Variants in GAGE10 observed in about 807,000 individuals in gnomAD.
GAGE10 encodes the protein G antigen 10.
A neutral mutation model predicts 11.5 loss-of-function variants in GAGE10; 9 were observed. The observed-to-expected ratio is 0.78, with a 90% CI of 0.47 to 1.37. GAGE10 has a LOEUF of 1.37. Among genes scored for constraint, GAGE10 ranks in the 40% most tolerant of loss-of-function variants. The pLI is 0.00. For synonymous variants in GAGE10, 23 were observed against 29.7 expected, an observed-to-expected ratio of 0.77 and a Z score of 0.73; for missense variants, 83 against 92.9, an observed-to-expected ratio of 0.89 and a Z score of 0.44.
intron 2 of GAGE10, 123 bp downstream of exon 2, chrX:49,305,063 C>G: frequency 1.0e-6 from 1 of 1,001,388 alleles, no homozygotes; most frequent in Non-Finnish European, 1.3e-6. Context: ...ATGATGATGG[C>G]GTCTCATGAA....
At chrX:49,307,432 G>A (rs1212578033) in intron 3 of GAGE10, among the ~76,000 whole-genome samples, 4 of 110,100 alleles carry the variant, frequency 3.6e-5, no homozygotes, top group Non-Finnish European at 5.7e-5. Context: ...ATTACACAGT[G>A]TATACTCAAA....
chrX:49,306,749 G>T (rs2066358492), intron 3 of GAGE10, among the ~76,000 whole-genome samples: 1 of 111,721 alleles, frequency 9.0e-6, no homozygotes, highest in African/African-American at 3.3e-5. Flanking sequence ...CCAGCTACTT[G>T]GGAGTCTGAG....
At chrX:49,316,533 C>A (rs782659689) in intron 3 of GAGE10, among the ~76,000 whole-genome samples, 43 of 111,445 alleles carry the variant, frequency 3.9e-4, no homozygotes, top group African/African-American at 1.4e-3. Context: ...AATTATCCCG[C>A]AGAAGTGAGA....
intron 3 of GAGE10, among the ~76,000 whole-genome samples, chrX:49,308,475 C>T (rs1325985825): frequency 9.0e-6 from 1 of 111,660 alleles, no homozygotes. Flanking sequence ...ATGATACCAG[C>T]ACTTCAGGTA....
intron 3 of GAGE10, among the ~76,000 whole-genome samples, chrX:49,310,530 C>G (rs1333690881): frequency 9.0e-6 from 1 of 111,712 alleles, no homozygotes; most frequent in Non-Finnish European, 1.9e-5. Context: ...GGTCAATGGC[C>G]TAACACCCAA....
At chrX:49,313,015 G>A (rs1294753059) in intron 3 of GAGE10, among the ~76,000 whole-genome samples, 1 of 112,308 alleles carries the variant, frequency 8.9e-6, no homozygotes, top group Non-Finnish European at 1.9e-5. Context: ...ACCTCTAGCA[G>A]GAGGTTACTG....
chrX:49,313,801 C>T (rs1167350231), intron 3 of GAGE10, among the ~76,000 whole-genome samples: 7 of 111,252 alleles, frequency 6.3e-5, no homozygotes, highest in African/African-American at 2.0e-4. Flanking sequence ...TTGTCCCACC[C>T]GAATGCTCCT....
At chrX:49,317,690 T>C (rs2066399402) in intron 4 of GAGE10, among the ~76,000 whole-genome samples, 1 of 111,831 alleles carries the variant, frequency 8.9e-6, no homozygotes, top group South Asian at 3.8e-4. Context: ...ATACTGCCTC[T>C]TTAGTAAGAG....
At position 49,317,240 on chromosome X, in the gene GAGE10, C is replaced by G. The variant is rs1557125379; in HGVS notation, c.280C>G (p.Gln94Glu). Residue 94 changes from glutamine (Q) to glutamate (E), a missense_variant, in exon 4 of 5, where the codon CAG becomes GAG. Gln to Glu is a conservative substitution (Grantham distance 29). Transcript: ENST00000407599. ...GCECGDGPDG[Q>E]EMGLPNPEEV... The stretch of plus-strand genomic sequence containing the variant: ...TGAGTGTGGAGATGGTCCTGATGGC[C>G]AGGAGATGGGCCTGCCAAATCCAGA... 8.3e-7 allele frequency: 1 copy of G among 1,208,066 alleles called. No individual in the cohort carries two copies. Among genetic ancestry groups the G allele is most frequent in the South Asian group, 1.8e-5 (1 of 56,902 alleles).
At chrX:49,317,674 G>A (rs1366291264) in intron 4 of GAGE10, among the ~76,000 whole-genome samples, 1 of 111,539 alleles carries the variant, frequency 9.0e-6, no homozygotes, top group African/African-American at 3.3e-5. Flanking sequence ...AATAACACAG[G>A]TAACAATACT....
chrX:49,304,634 C>T (rs1405122731), intron 1 of GAGE10, among the ~76,000 whole-genome samples: 1 of 112,900 alleles, frequency 8.9e-6, no homozygotes, highest in African/African-American at 3.2e-5. Flanking sequence ...ATGTCCTCTG[C>T]GTTTTGTCAC....
intron 3 of GAGE10, among the ~76,000 whole-genome samples, chrX:49,316,033 A>C (rs1241060146): frequency 8.9e-6 from 1 of 112,151 alleles, no homozygotes; most frequent in East Asian, 2.8e-4. Context: ...TTTGTTATGA[A>C]AAGCACCAAA....
chrX:49,306,043 G>T (rs1394239938), intron 3 of GAGE10, among the ~76,000 whole-genome samples: 2 of 111,884 alleles, frequency 1.8e-5, no homozygotes, highest in Non-Finnish European at 3.8e-5. Flanking sequence ...TGGTACATTT[G>T]ATAAAAGCTG....
rs2869205 is a variant in GAGE10 at position 49,305,859 on chromosome X, A to G, written c.202+335A>G. ...CAAGGTTTGTGTCTTCCTACCATCT[A>G]TGTTGCTGTAAAAACGGAAATGATT... is the stretch of plus-strand genomic sequence containing the variant. On this transcript the variant is annotated intron_variant, in intron 3 of 4. Coordinates refer to ENST00000407599, the MANE Select transcript of GAGE10 (RefSeq NM_001098413.4). Among the ~76,000 whole-genome samples the G allele has an allele frequency of 3.6e-5, 4 of 111,340 alleles. No individual in the cohort carries two copies. In the South Asian group the frequency reaches 1.5e-3, roughly 42 times the overall value.
chrX:49,317,066 A>C, intron 3 of GAGE10, 97 bp from the exon 4 acceptor site: 7 of 986,535 alleles, frequency 7.1e-6, no homozygotes, highest in Non-Finnish European at 9.7e-6. Context: ...ATACTAGCTA[A>C]AGCTTTTATA....
At chrX:49,311,822 C>T (rs782623905) in intron 3 of GAGE10, among the ~76,000 whole-genome samples, 53 of 112,171 alleles carry the variant, frequency 4.7e-4, no homozygotes, top group Middle Eastern at 4.6e-3. Context: ...TTAGGTTGGC[C>T]CCACTGCCTC....
At chrX:49,317,811 G>A (rs1177731986) in intron 4 of GAGE10, among the ~76,000 whole-genome samples, 2 of 103,619 alleles carry the variant, frequency 1.9e-5, no homozygotes, top group Admixed American at 2.1e-4. Context: ...TAAAAGTTTT[G>A]AGTATAAATC....
intron 1 of GAGE10, 43 bp from the exon 2 acceptor site, chrX:49,304,809 C>A (rs1557123857): frequency 5.3e-6 from 6 of 1,141,742 alleles, no homozygotes; most frequent in Admixed American, 2.2e-5. Context: ...AATATAGCAG[C>A]CCTGTGGAGC....
At position 49,304,933 on chromosome X, in the gene GAGE10, C is replaced by T; in HGVS notation, c.74C>T (p.Pro25Leu). 8.3e-7 allele frequency: 1 copy of T among 1,205,270 alleles called. No homozygotes were observed. Among genetic ancestry groups the T allele is most frequent in the East Asian group, 3.0e-5 (1 of 33,802 alleles). ...RYVEPPEMIG[P>L]MLPEQFSDEV... Reference sequence around the variant, plus strand: ...GTAGAGCCCCCTGAAATGATTGGGCCTATGCTGGTGAGTGCTTAAACGTTA... The same window carrying T: ...GTAGAGCCCCCTGAAATGATTGGGCTTATGCTGGTGAGTGCTTAAACGTTA... Residue 25 changes from proline to leucine, a missense_variant, in exon 2 of 5, where the codon CCT becomes CTT. Coordinates refer to ENST00000407599, the MANE Select transcript of GAGE10 (RefSeq NM_001098413.4).
Sources: gnomAD v4.1 joint callset for allele counts (sites outside exome capture counted in the v4.1 genomes callset) on GRCh38, gnomAD v4.1.1 for gene constraint, MANE v1.5 for transcripts, NCBI Gene and HGNC (gene_info 2026-07-23, HGNC 2026-07-21) for gene names.